The following CNTN5 variants were observed in gnomAD, a reference collection of about 807,000 sequenced individuals.
CNTN5 encodes the protein contactin-5.
A neutral mutation model predicts 129.1 loss-of-function variants in CNTN5; 77 were observed. The observed-to-expected ratio is 0.60, with a 90% CI of 0.50 to 0.72. The LOEUF (loss-of-function observed/expected upper bound fraction) is 0.72, where lower values mean the gene tolerates loss of function less well. Among genes scored for constraint, CNTN5 ranks in the 30% least tolerant of loss-of-function variants. The pLI, the probability that CNTN5 is intolerant of heterozygous loss-of-function variation, is 0.00. For synonymous variants in CNTN5, 509 were observed against 465.6 expected (o/e 1.09, Z -1.20); for missense variants, 1,478 against 1,328.8 (o/e 1.11, Z -1.75).
At chr11:99,890,573 G>C (rs538297527) in intron 6 of CNTN5, among the ~76,000 whole-genome samples, 1 of 150,428 alleles carries the variant, frequency 6.6e-6, no homozygotes. Context: ...ACATGTGTGT[G>C]TGTATATATA....
At chr11:100,224,230 A>G (rs555955496) in intron 15 of CNTN5, among the ~76,000 whole-genome samples, 9 of 152,256 alleles carry the variant, frequency 5.9e-5, no homozygotes, top group African/African-American at 1.9e-4. Flanking sequence ...TCTGTTGCCT[A>G]CAGTGTTCTT....
At chr11:100,058,529 T>G (rs570469340) in intron 9 of CNTN5, among the ~76,000 whole-genome samples, 127 of 152,186 alleles carry the variant, frequency 8.3e-4, no homozygotes, top group Middle Eastern at 3.4e-3. Context: ...AAGAATAATA[T>G]GTCAGACTCA....
chr11:99,420,402 T>C (rs1211175080), intron 2 of CNTN5, among the ~76,000 whole-genome samples: 5 of 152,266 alleles, frequency 3.3e-5, no homozygotes, highest in Middle Eastern at 3.4e-3. Flanking sequence ...AAATTTTAGC[T>C]TAAAGTGAAA....
At chr11:99,595,875 T>G (rs778713066) in intron 3 of CNTN5, among the ~76,000 whole-genome samples, 1 of 152,094 alleles carries the variant, frequency 6.6e-6, no homozygotes, top group African/African-American at 2.4e-5. Flanking sequence ...TCATAAGGGT[T>G]TAAGGCCTTT....
intron 13 of CNTN5, among the ~76,000 whole-genome samples, chr11:100,115,333 T>C (rs545589523): frequency 1.6e-4 from 24 of 152,220 alleles, no homozygotes; most frequent in Admixed American, 1.5e-3. Context: ...ATATTATTTG[T>C]ATTTAGCTCA....
At chr11:100,263,752 AT>A (rs1950248802) in intron 17 of CNTN5, among the ~76,000 whole-genome samples, 1 of 152,176 alleles carries the variant, frequency 6.6e-6, no homozygotes, top group Non-Finnish European at 1.5e-5. Context: ...GACAGCTTAA[AT>A]CTTTGGCTCT....
chr11:99,264,220 A>G (rs566786991), intron 1 of CNTN5, among the ~76,000 whole-genome samples: 1 of 151,386 alleles, frequency 6.6e-6, no homozygotes, highest in East Asian at 1.9e-4. Context: ...ATTATTTAAT[A>G]TTATTTAATA....
chr11:99,310,798 T>C (rs146853064), intron 1 of CNTN5, among the ~76,000 whole-genome samples: 1 of 152,336 alleles, frequency 6.6e-6, no homozygotes, highest in Non-Finnish European at 1.5e-5. Context: ...TGCCTATTTA[T>C]ATGAAAATAT....
chr11:99,987,270 T>G (rs894699244), intron 8 of CNTN5, among the ~76,000 whole-genome samples: 1 of 152,006 alleles, frequency 6.6e-6, no homozygotes, highest in African/African-American at 2.4e-5. Context: ...CTGTCCTGGT[T>G]TAGTTTACAG....
At chr11:99,268,468 A>T (rs940034113) in intron 1 of CNTN5, among the ~76,000 whole-genome samples, 1 of 151,844 alleles carries the variant, frequency 6.6e-6, no homozygotes, top group African/African-American at 2.4e-5. Flanking sequence ...ATGGAAAATT[A>T]TAAAAGCATT....
intron 1 of CNTN5, among the ~76,000 whole-genome samples, chr11:99,079,228 T>C (rs1865699212): frequency 6.6e-6 from 1 of 152,092 alleles, no homozygotes; most frequent in Non-Finnish European, 1.5e-5. Context: ...GAGGCAGATA[T>C]GAAAGACAGG....
intron 13 of CNTN5, among the ~76,000 whole-genome samples, chr11:100,139,194 G>A (rs1340947879): frequency 6.6e-6 from 1 of 152,090 alleles, no homozygotes; most frequent in Non-Finnish European, 1.5e-5. Context: ...TAGTCACAGG[G>A]CAGAGATATG....
chr11:99,373,471 T>C (rs1199133532), intron 2 of CNTN5, among the ~76,000 whole-genome samples: 5 of 151,864 alleles, frequency 3.3e-5, no homozygotes, highest in South Asian at 2.1e-4. Flanking sequence ...CCCAGCACTT[T>C]GGGAGGCCGA....
intron 6 of CNTN5, among the ~76,000 whole-genome samples, chr11:99,908,130 C>A (rs1949559276): frequency 6.6e-6 from 1 of 151,932 alleles, no homozygotes; most frequent in Non-Finnish European, 1.5e-5. Context: ...TGTTTTTTTA[C>A]ACTTGCAGTG....
intron 18 of CNTN5, among the ~76,000 whole-genome samples, chr11:100,275,386 A>T (rs1950488230): frequency 6.6e-6 from 1 of 152,232 alleles, no homozygotes; most frequent in South Asian, 2.1e-4. Context: ...CAATAGTAGT[A>T]CTTATGCTCA....
chr11:100,067,595 C>T (rs1214205024), intron 10 of CNTN5, among the ~76,000 whole-genome samples: 1 of 151,736 alleles, frequency 6.6e-6, no homozygotes, highest in Non-Finnish European at 1.5e-5. Context: ...TTCAAAGCAA[C>T]AAAATATGAA....
rs1565439295 is a variant in CNTN5 at position 100,340,384 on chromosome 11, A to G, written c.2731-79A>G. The stretch of plus-strand genomic sequence containing the variant: ...TATGGGTGGACTCCAGCAACATCCA[A>G]AAAAGAGAAAAAGTTCAAGCAGCCA... On this transcript the variant is annotated intron_variant, in intron 21 of 24. Coordinates refer to ENST00000524871, the MANE Select transcript of CNTN5 (RefSeq NM_014361.4). The G allele has an allele frequency of 1.0e-5, 11 of 1,083,522 alleles. No homozygotes were observed. In the East Asian group the frequency reaches 2.8e-4, roughly 28 times the overall value. The allele number at this position is 1,083,522 out of a possible 1,614,324, so 67.1% of individuals were successfully genotyped here.
chr11:100,083,533 A>G (rs778605323), intron 13 of CNTN5, among the ~76,000 whole-genome samples: 1 of 152,062 alleles, frequency 6.6e-6, no homozygotes, highest in Non-Finnish European at 1.5e-5. Context: ...AAACATGTAA[A>G]CCGTACTATC....
intron 3 of CNTN5, among the ~76,000 whole-genome samples, chr11:99,658,779 T>G (rs955851123): frequency 6.9e-6 from 1 of 145,580 alleles, no homozygotes; most frequent in Non-Finnish European, 1.5e-5. Flanking sequence ...TCCCAGCTAC[T>G]AGGGAGGCTG....
Sources: allele counts gnomAD v4.1 joint callset (sites outside exome capture counted in the v4.1 genomes callset), GRCh38; gene constraint gnomAD v4.1.1; transcripts MANE v1.5; gene names NCBI Gene and HGNC (gene_info 2026-07-23, HGNC 2026-07-21).